The following SYNGR1 variants were observed in gnomAD, a reference collection of about 807,000 sequenced individuals.
The protein encoded by SYNGR1 is synaptogyrin-1.
Under a neutral mutation model 26.1 loss-of-function variants are expected in SYNGR1, and 14 were observed. The observed-to-expected ratio is 0.54, with a 90% CI of 0.35 to 0.84. SYNGR1 has a LOEUF of 0.84. SYNGR1 is among the 40% of genes least tolerant of loss of function. The pLI is 0.01. For missense variants in SYNGR1, 319 were observed against 332.9 expected (o/e 0.96, Z 0.33); for synonymous variants, 141 against 150.1 (o/e 0.94, Z 0.44).
rs1327884868 is a variant in SYNGR1 at position 39,383,172 on chromosome 22, G to A, written c.*1258G>A. On this transcript the variant is annotated 3_prime_UTR_variant, in exon 4 of 4. Transcript: ENST00000328933. ...CGGGGGCTGCAGCAGCCAAGCGCAT[G>A]AGAGGTGTTTCCTTGGCCTTCCAGA... is the stretch of plus-strand genomic sequence containing the variant. 4 of 152,622 alleles carry A rather than the reference G, an allele frequency of 2.6e-5. No individual in the cohort carries two copies. The highest frequency in any genetic ancestry group is 2.9e-5 in the Non-Finnish European group (2 of 68,280). The allele number at this position is 152,622 out of a possible 1,614,324, so 9.5% of individuals were successfully genotyped here. A position where few individuals can be genotyped will look rare whatever the true frequency, so the allele number is the denominator to read the frequency against.
rs201979732 is a variant in SYNGR1, at chr22:39,384,133, GT to G, written c.*2220del. 802 of 172,398 alleles carry G rather than the reference GT, an allele frequency of 4.7e-3. 9 individuals carry two copies. The highest frequency in any genetic ancestry group is 0.018 in the African/African-American group (753 of 42,378). 10.7% of individuals were successfully genotyped at this position (172,398 alleles called of 1,614,324 possible). A position where few individuals can be genotyped will look rare whatever the true frequency, so the allele number is the denominator to read the frequency against. On this transcript the variant is annotated 3_prime_UTR_variant, in exon 4 of 4. Transcript: ENST00000328933. Reference sequence around the variant, plus strand: ...AGTGTTTATGGCAGAGTGAAGTTCTGTGCCCACCACAAGAGGCTGTGAGATG... The same window carrying G: ...AGTGTTTATGGCAGAGTGAAGTTCTGGCCCACCACAAGAGGCTGTGAGATG...
intron 1 of SYNGR1, chr22:39,364,228 G>A (rs773101579): frequency 1.9e-6 from 3 of 1,613,894 alleles, no homozygotes; most frequent in African/African-American, 1.3e-5. Flanking sequence ...TCTGGAATTC[G>A]ATCCTTCATG....
chr22:39,384,812 G>A lies in SYNGR1; in HGVS notation c.*2898G>A. 1 of 399,110 alleles carries A rather than the reference G, an allele frequency of 2.5e-6. No individual in the cohort carries two copies. Among genetic ancestry groups the A allele is most frequent in the Non-Finnish European group, 4.4e-6 (1 of 226,118 alleles). 24.7% of individuals were successfully genotyped at this position (399,110 alleles called of 1,614,324 possible). The stretch of plus-strand genomic sequence containing the variant: ...TTTCACATAAGTGTAGAGTCGCAAG[G>A]ACGCTTAGAGTCGGCAGAGTCTGGG... On this transcript the variant is annotated 3_prime_UTR_variant, in exon 4 of 4. Transcript: ENST00000328933.
intron 1 of SYNGR1, among the ~76,000 whole-genome samples, chr22:39,365,605 AGTT>A (rs1187689170): frequency 2.0e-5 from 3 of 152,040 alleles, no homozygotes; most frequent in African/African-American, 7.3e-5. Context: ...TAAATGGAGA[AGTT>A]AAACCCTTGA....
intron 1 of SYNGR1, among the ~76,000 whole-genome samples, 170 bp from the exon 2 acceptor site, chr22:39,374,146 A>G (rs1428363770): frequency 6.6e-6 from 1 of 152,128 alleles, no homozygotes; most frequent in Non-Finnish European, 1.5e-5. Context: ...TATGTGACCC[A>G]CATAAGTTAC....
In SYNGR1 at chr22:39,350,621, G is replaced by A. The variant is rs936287047; in HGVS notation, c.99+512G>A. ...TTGCCTAGCCCGGCCCGTGTGGAGC[G>A]ATGAGTCGGGAACTGAGTACCTCTC... On this transcript the variant is annotated intron_variant, in intron 1 of 3. Transcript: ENST00000328933. This position sits in a 1 kb window ranked among gnomAD's most constrained non-coding sequence, Gnocchi z 4.3. 6.6e-6 allele frequency among the ~76,000 whole-genome samples: 1 copy of A among 152,100 alleles called. No homozygotes were observed. Among genetic ancestry groups the A allele is most frequent in the African/African-American group, 2.4e-5 (1 of 41,424 alleles).
chr22:39,373,297 T>A (rs1480271369), intron 1 of SYNGR1, among the ~76,000 whole-genome samples: 1 of 150,888 alleles, frequency 6.6e-6, no homozygotes, highest in Non-Finnish European at 1.5e-5. Flanking sequence ...GCCTCCCGAG[T>A]AGCTGGGATT....
rs1169390928 is a variant in SYNGR1 at position 39,384,737 on chromosome 22, G to A, written c.*2823G>A. 1 of 399,014 alleles carries A rather than the reference G, an allele frequency of 2.5e-6. No homozygotes were observed. 24.7% of individuals were successfully genotyped at this position (399,014 alleles called of 1,614,324 possible). ...GCCCTCCTGCAGCTGGACCCTGCAG[G>A]GTGGCTCCCTCCTCCCCATCAAGCA... On this transcript the variant is annotated 3_prime_UTR_variant, in exon 4 of 4. Coordinates refer to ENST00000328933, the MANE Select transcript of SYNGR1 (RefSeq NM_004711.5).
At chr22:39,370,324 G>T (rs566144006) in intron 1 of SYNGR1, among the ~76,000 whole-genome samples, 6 of 152,106 alleles carry the variant, frequency 3.9e-5, no homozygotes, top group Admixed American at 1.3e-4. Context: ...TGGAGATGGG[G>T]TTTCACCGTG....
In SYNGR1 at chr22:39,382,136, G is replaced by A. The variant is rs567870025; in HGVS notation, c.*222G>A. ...GCATGTGCCCCGCAGGGGCCTAGAG[G>A]GTGGGGGCCAGGGGTATTTGCATTC... On this transcript the variant is annotated 3_prime_UTR_variant, in exon 4 of 4. Coordinates refer to ENST00000328933, the MANE Select transcript of SYNGR1 (RefSeq NM_004711.5). The A allele has an allele frequency of 1.6e-6, 1 of 607,932 alleles. No homozygotes were observed. Among genetic ancestry groups the A allele is most frequent in the African/African-American group, 1.8e-5 (1 of 54,160 alleles). The allele number at this position is 607,932 out of a possible 1,614,324, so 37.7% of individuals were successfully genotyped here.
At chr22:39,360,055 C>T (rs1163216592) in intron 1 of SYNGR1, among the ~76,000 whole-genome samples, 4 of 152,204 alleles carry the variant, frequency 2.6e-5, no homozygotes, top group East Asian at 1.9e-4. Flanking sequence ...AGCCCTTCTG[C>T]GCATCACACT....
At chr22:39,375,670 G>A (rs1449391655) in intron 2 of SYNGR1, 2 of 565,040 alleles carry the variant, frequency 3.5e-6, no homozygotes, top group Admixed American at 6.5e-5. Flanking sequence ...GGACCGGGGG[G>A]GCCCACGTCA....
chr22:39,358,267 A>G (rs1924269263), intron 1 of SYNGR1, among the ~76,000 whole-genome samples: 1 of 152,188 alleles, frequency 6.6e-6, no homozygotes, highest in Non-Finnish European at 1.5e-5. Flanking sequence ...CTTTGTATCT[A>G]GCTCAGGGAT....
At chr22:39,372,035 C>CTGCCTCAG (rs964411630) in intron 1 of SYNGR1, among the ~76,000 whole-genome samples, 2 of 151,944 alleles carry the variant, frequency 1.3e-5, no homozygotes, top group African/African-American at 4.8e-5. Flanking sequence ...CTTGGTGCCA[C>CTGCCTCAG]TGCCTCAGGG....
chr22:39,371,691 C>A (rs1925028016), intron 1 of SYNGR1, among the ~76,000 whole-genome samples: 1 of 152,050 alleles, frequency 6.6e-6, no homozygotes, highest in Admixed American at 6.6e-5. Flanking sequence ...ACTCAGGAGG[C>A]TGAGGCTGGT....
chr22:39,377,595 C>A, intron 3 of SYNGR1: 1 of 1,613,680 alleles, frequency 6.2e-7, no homozygotes, highest in Non-Finnish European at 8.5e-7. Flanking sequence ...TCTCTCCTGG[C>A]AGAGCCTGAC....
At position 39,350,057 on chromosome 22, in the gene SYNGR1, A is replaced by G; in HGVS notation, c.47A>G (p.Asp16Gly). ...YGAGKAGGAFDPYTLVRQPHT... is the reference protein window; with the variant it reads ...YGAGKAGGAFGPYTLVRQPHT... ...GCGGGCAAAGCCGGGGGCGCCTTCG[A>G]CCCCTACACCCTGGTCCGGCAGCCG... The change falls in exon 1 of 4, where the codon GAC becomes GGC. Residue 16 changes from aspartate to glycine, a missense_variant. Physicochemically the swap from Asp to Gly is moderately conservative, Grantham distance 94. Coordinates refer to ENST00000328933, the MANE Select transcript of SYNGR1 (RefSeq NM_004711.5). The surrounding 1 kb of genome is among the most constrained non-coding windows in gnomAD (Gnocchi z 4.3). 2.8e-6 allele frequency: 4 copies of G among 1,437,916 alleles called. No homozygotes were observed. The highest frequency in any genetic ancestry group is 3.7e-6 in the Non-Finnish European group (4 of 1,079,862). The allele number at this position is 1,437,916 out of a possible 1,614,324, so 89.1% of individuals were successfully genotyped here.
rs57910921 is a variant in SYNGR1 at position 39,381,817 on chromosome 22, C to CCAA, written c.607_608insACA (p.Pro202_Thr203insAsn). 1,148,917 of 1,612,432 alleles carry CCAA rather than the reference C, an allele frequency of 0.71. 415,053 individuals carry two copies. The highest frequency in any genetic ancestry group is 1 in the East Asian group (44,783 of 44,822). On this transcript the variant is annotated inframe_insertion, in exon 4 of 4. Coordinates refer to ENST00000328933, the MANE Select transcript of SYNGR1 (RefSeq NM_004711.5). ...ATGCCTTACGCGCCCTACGTGGAGCCCACTGGGCCGGATCCCGCCGGTATG... is the reference window on the plus strand; with the variant it reads ...ATGCCTTACGCGCCCTACGTGGAGCCCAACACTGGGCCGGATCCCGCCGGTATG...
At chr22:39,360,273 C>T (rs974130741) in intron 1 of SYNGR1, among the ~76,000 whole-genome samples, 15 of 152,286 alleles carry the variant, frequency 9.8e-5, no homozygotes, top group Middle Eastern at 3.4e-3. Flanking sequence ...CTACTCTTGG[C>T]TCTTCTGCGT....
Sources: gnomAD v4.1 joint callset for allele counts (sites outside exome capture counted in the v4.1 genomes callset) on GRCh38, gnomAD v4.1.1 for gene constraint, Gnocchi (gnomAD v3.1) non-coding constraint, MANE v1.5 for transcripts, NCBI Gene and HGNC (gene_info 2026-07-23, HGNC 2026-07-21) for gene names.